Variants in TMEM101 observed in about 807,000 individuals in gnomAD.
The protein encoded by TMEM101 is transmembrane protein 101, also known as putative NF-kappa-B-activating protein 130.
TMEM101 carries 14 observed loss-of-function variants against 26.0 expected under a neutral mutation model. The observed-to-expected ratio is 0.54, with a 90% CI of 0.36 to 0.84. The LOEUF is 0.84. TMEM101 is among the 40% of genes least tolerant of loss of function. The probability of loss-of-function intolerance (pLI) is 0.01; values close to 1 mark genes in which losing one functional copy is unlikely to be tolerated. For synonymous variants in TMEM101, 152 were observed against 145.1 expected (o/e 1.05, Z -0.34); for missense variants, 292 against 345.1 (o/e 0.85, Z 1.22).
In TMEM101 at chr17:44,014,519, C is replaced by A; in HGVS notation, c.156G>T (p.Val52=). Residue 52 remains valine (V), a synonymous_variant, in exon 2 of 4, where the codon GTG becomes GTT. Coordinates refer to ENST00000206380, the MANE Select transcript of TMEM101 (RefSeq NM_032376.4). ...AEARRKPDIP[V]PYLYFDMGAA... ...CCCCCATGTCGAAATACAGGTAAGG[C>A]ACTGGGATGTCGGGCTTCCTGCGAG... is the stretch of plus-strand genomic sequence containing the variant. 1 of 1,570,686 alleles carries A rather than the reference C, an allele frequency of 6.4e-7. No individual in the cohort carries two copies. The highest frequency in any genetic ancestry group is 8.6e-7 in the Non-Finnish European group (1 of 1,156,786).
upstream of TMEM101, among the ~76,000 whole-genome samples, chr17:44,019,078 C>T (rs558804333): frequency 1.3e-5 from 2 of 152,132 alleles, no homozygotes; most frequent in African/African-American, 4.8e-5. Context: ...GTGCGAGAGA[C>T]GAGTGAGGGG....
chr17:44,016,154 T>C (rs1436109636), upstream of TMEM101, among the ~76,000 whole-genome samples: 2 of 152,022 alleles, frequency 1.3e-5, no homozygotes, highest in African/African-American at 2.4e-5. Flanking sequence ...CATATATATA[T>C]ATCTGCTTTA....
chr17:44,016,121 A>G (rs1382505225), upstream of TMEM101, among the ~76,000 whole-genome samples: 1 of 150,694 alleles, frequency 6.6e-6, no homozygotes, highest in African/African-American at 2.4e-5. Context: ...ATATAGATAC[A>G]CACGCACACA....
At chr17:44,013,294 G>T in intron 2 of TMEM101, 139 bp from the exon 3 acceptor site, 4 of 783,716 alleles carry the variant, frequency 5.1e-6, no homozygotes, top group Non-Finnish European at 7.2e-6. Context: ...TTGGTGGGCA[G>T]GTGCAACAGA....
chr17:44,017,374 C>A (rs1431956647), upstream of TMEM101, among the ~76,000 whole-genome samples: 1 of 151,354 alleles, frequency 6.6e-6, no homozygotes, highest in Non-Finnish European at 1.5e-5. Flanking sequence ...CCAAGGATCA[C>A]GAGGTCAGGA....
In TMEM101 at chr17:44,014,363, C is replaced by T; in HGVS notation, c.312G>A (p.Trp104Ter). The T allele has an allele frequency of 1.3e-6, 2 of 1,550,924 alleles. No individual in the cohort carries two copies. Among genetic ancestry groups the T allele is most frequent in the Non-Finnish European group, 1.7e-6 (2 of 1,146,136 alleles). The part of the protein sequence containing the change: ...YIGGYVHYGD[W>*]LKVRMYSRTV... Reference sequence around the variant, plus strand: ...TTGGGGCCGAGGCGCTCACCTTCAGCCAGTCCCCGTAGTGGACGTAGCCCC... The same window carrying T: ...TTGGGGCCGAGGCGCTCACCTTCAGTCAGTCCCCGTAGTGGACGTAGCCCC... The change falls in exon 2 of 4, where the codon TGG becomes TGA. Residue 104 changes from tryptophan to a stop codon, truncating the protein, a stop_gained. Coordinates refer to ENST00000206380, the MANE Select transcript of TMEM101 (RefSeq NM_032376.4). LOFTEE classifies it high-confidence loss of function.
chr17:44,016,784 GCCCT>G (rs2049236105), upstream of TMEM101, among the ~76,000 whole-genome samples: 1 of 151,926 alleles, frequency 6.6e-6, no homozygotes, highest in African/African-American at 2.4e-5. Flanking sequence ...TATACAGGAT[GCCCT>G]CAGGACCTAG....
At position 44,012,009 on chromosome 17, in the gene TMEM101, AAC is replaced by A; in HGVS notation, c.691_692del (p.Val231Ter). 3 of 1,614,108 alleles carry A rather than the reference AAC, an allele frequency of 1.9e-6. No homozygotes were observed. Among genetic ancestry groups the A allele is most frequent in the Non-Finnish European group, 2.5e-6 (3 of 1,179,994 alleles). On this transcript the variant is annotated frameshift_variant, in exon 4 of 4. Coordinates refer to ENST00000206380, the MANE Select transcript of TMEM101 (RefSeq NM_032376.4). LOFTEE classifies it high-confidence loss of function. ...GGAGCTTCATCTGGTTCCAGAACTC[AAC>A]ACGCCGCGTGTTGTGCCAGTAAGCA... ...NVAYWHNTRR[V>X]EFWNQMKLLG...
At chr17:44,016,905 C>A (rs1351293624), upstream of TMEM101, among the ~76,000 whole-genome samples, 1 of 149,854 alleles carries the variant, frequency 6.7e-6, no homozygotes, top group Non-Finnish European at 1.5e-5. Flanking sequence ...GAGGCCGAGT[C>A]GGGTGGATCA....
chr17:44,014,582 T>C, intron 1 of TMEM101, 45 bp from the exon 2 acceptor site: 2 of 1,558,726 alleles, frequency 1.3e-6, no homozygotes, highest in South Asian at 1.1e-5. Context: ...AATGAAGCGG[T>C]GGGGGAAGAA....
chr17:44,012,955 G>C (rs770098024), intron 3 of TMEM101, 54 bp downstream of exon 3: 2 of 1,490,034 alleles, frequency 1.3e-6, no homozygotes, highest in Admixed American at 3.9e-5. Flanking sequence ...GCCATGCCTA[G>C]ACTCACAGTT....
chr17:44,015,386 T>TC (rs377710385), upstream of TMEM101, among the ~76,000 whole-genome samples: 25 of 16,422 alleles, frequency 1.5e-3, no homozygotes, highest in Admixed American at 4.0e-3. Context: ...TTTTTTTTTC[T>TC]TTTTTTTTTG....
intron 2 of TMEM101, among the ~76,000 whole-genome samples, chr17:44,021,168 T>C (rs908199084): frequency 1.3e-5 from 2 of 152,176 alleles, no homozygotes; most frequent in South Asian, 2.1e-4. Flanking sequence ...GTTGTTTCTA[T>C]TGGGGTGGAA....
intron 2 of TMEM101, among the ~76,000 whole-genome samples, chr17:44,013,856 C>A (rs763090522): frequency 5.9e-5 from 9 of 152,178 alleles, no homozygotes; most frequent in Non-Finnish European, 1.2e-4. Context: ...CATCTTCCTC[C>A]CCTAAGGGTC....
chr17:44,022,231 C>T (rs529488833), intron 1 of TMEM101, among the ~76,000 whole-genome samples: 1 of 152,284 alleles, frequency 6.6e-6, no homozygotes, highest in Non-Finnish European at 1.5e-5. Context: ...TTCCCTTATT[C>T]CATAGGATGC....
At chr17:44,022,143 A>T (rs1016606423) in intron 1 of TMEM101, among the ~76,000 whole-genome samples, 2 of 152,226 alleles carry the variant, frequency 1.3e-5, no homozygotes, top group African/African-American at 4.8e-5. Flanking sequence ...CAAACAAGCC[A>T]ATTTCTGGGC....
intron 3 of TMEM101, chr17:44,012,626 G>C (rs1373013331): frequency 7.5e-6 from 3 of 402,446 alleles, no homozygotes; most frequent in Non-Finnish European, 1.3e-5. Flanking sequence ...AACCATAAGT[G>C]GCTACCCTAG....
intron 1 of TMEM101, 94 bp from the exon 2 acceptor site, chr17:44,014,631 C>A: frequency 6.6e-7 from 1 of 1,521,434 alleles, no homozygotes; most frequent in South Asian, 1.2e-5. Context: ...TCCACTGCTC[C>A]CCCAAACCAG....
At chr17:44,020,446 C>T (rs981596121) in intron 2 of TMEM101, among the ~76,000 whole-genome samples, 5 of 152,152 alleles carry the variant, frequency 3.3e-5, no homozygotes, top group Admixed American at 1.3e-4. Flanking sequence ...CCGGGCCAGG[C>T]GCGGTGGCTC....
Sources: allele counts gnomAD v4.1 joint callset (sites outside exome capture counted in the v4.1 genomes callset), GRCh38; gene constraint gnomAD v4.1.1; transcripts MANE v1.5; gene names NCBI Gene and HGNC (gene_info 2026-07-23, HGNC 2026-07-21).